PNPLA2: variants seen among roughly 807,000 people sequenced by gnomAD.
PNPLA2 encodes patatin-like phospholipase domain-containing protein 2.
In PNPLA2, 28 loss-of-function variants were observed where a neutral mutation model predicts 39.7. The ratio of observed to expected loss-of-function variants is 0.70; its 90% confidence interval spans 0.52 to 0.97. The LOEUF (loss-of-function observed/expected upper bound fraction) is 0.97, where lower values mean the gene tolerates loss of function less well. Ranked by LOEUF, PNPLA2 falls within the 50% of genes least tolerant of loss-of-function variation. The pLI is 0.00. For missense variants in PNPLA2, 768 were observed against 698.2 expected (o/e 1.10, Z -1.13); for synonymous variants, 392 against 321.1 (o/e 1.22, Z -2.36).
chr11:820,227 A>G (rs1214519579), intron 2 of PNPLA2, among the ~76,000 whole-genome samples: 1 of 152,230 alleles, frequency 6.6e-6, no homozygotes. Context: ...GGAGGGACCT[A>G]AGTCACCCCG....
Position 819,744 on chromosome 11 carries a change from AC to A in PNPLA2, c.27del (p.Asn9LysfsTer83), listed in dbSNP as rs1400139202. The A allele has an allele frequency of 6.6e-7, 1 of 1,506,798 alleles. No individual in the cohort carries two copies. Among genetic ancestry groups the A allele is most frequent in the Non-Finnish European group, 8.9e-7 (1 of 1,128,094 alleles). 93.3% of individuals were successfully genotyped at this position (1,506,798 alleles called of 1,614,324 possible). On this transcript the variant is annotated frameshift_variant, in exon 2 of 10. Transcript: ENST00000336615. LOFTEE classifies it high-confidence loss of function. ...ATGTTTCCCCGCGAGAAGACGTGGA[AC>A]ATCTCGTTCGCGGGCTGCGGCTTCC... is the stretch of plus-strand genomic sequence containing the variant. MFPREKTW[N>X]ISFAGCGFLG...
At chr11:819,958 G>A (rs2133845546) in intron 2 of PNPLA2, 53 bp downstream of exon 2, 3 of 1,257,106 alleles carry the variant, frequency 2.4e-6, no homozygotes, top group South Asian at 2.1e-5. Context: ...GCCGTGCGGG[G>A]CCGGGGGATG....
chr11:820,141 G>C (rs1845621341), intron 2 of PNPLA2, among the ~76,000 whole-genome samples: 2 of 152,362 alleles, frequency 1.3e-5, no homozygotes, highest in African/African-American at 4.8e-5. Flanking sequence ...GCAAAGGTTT[G>C]GGGGCGGGCA....
At position 824,964 on chromosome 11, in the gene PNPLA2, C is replaced by A; in HGVS notation, c.*102C>A. ...TGCCAAGAGGGGTCTTTGCCGTGGG[C>A]CCCCTCGCCAGCCACTCACCAGCTG... On this transcript the variant is annotated 3_prime_UTR_variant, in exon 10 of 10. Transcript: ENST00000336615. 2 of 980,880 alleles carry A rather than the reference C, an allele frequency of 2.0e-6. No individual in the cohort carries two copies. The highest frequency in any genetic ancestry group is 2.7e-5 in the East Asian group (1 of 37,450). The allele number at this position is 980,880 out of a possible 1,614,324, so 60.8% of individuals were successfully genotyped here. A position where few individuals can be genotyped will look rare whatever the true frequency, so the allele number is the denominator to read the frequency against.
rs528189854 is a variant in PNPLA2 at position 819,602 on chromosome 11, G to A, written c.-117G>A. On this transcript the variant is annotated 5_prime_UTR_variant, in exon 2 of 10. Transcript: ENST00000336615. ...CTTCGCCTCCGCCAGCGGGGACCCCGAGCTAGAGCCGCAGCGGGACCTGCC... is the reference window on the plus strand; with the variant it reads ...CTTCGCCTCCGCCAGCGGGGACCCCAAGCTAGAGCCGCAGCGGGACCTGCC... 2.0e-5 allele frequency: 26 copies of A among 1,285,914 alleles called. No individual in the cohort carries two copies. The East Asian group carries it at 4.2e-4, about 21-fold the overall frequency. 79.7% of individuals were successfully genotyped at this position (1,285,914 alleles called of 1,614,324 possible).
chr11:819,863 G>C lies in PNPLA2; in HGVS notation c.145G>C (p.Gly49Arg). Residue 49 changes from glycine (G) to arginine (R), a missense_variant, in exon 2 of 10, where the codon GGG becomes CGG. Gly to Arg is a moderately radical substitution (Grantham distance 125). Transcript: ENST00000336615. ...NATHIYGASAGALTATALVTG... is the reference protein window; with the variant it reads ...NATHIYGASARALTATALVTG... ...CACGCACATCTACGGCGCCTCGGCC[G>C]GGGCGCTCACGGCCACGGCGCTGGT... The C allele has an allele frequency of 6.8e-7, 1 of 1,461,296 alleles. No individual in the cohort carries two copies. Among genetic ancestry groups the C allele is most frequent in the Admixed American group, 2.5e-5 (1 of 40,796 alleles). 90.5% of individuals were successfully genotyped at this position (1,461,296 alleles called of 1,614,324 possible).
chr11:819,989 C>A (rs1845614430), intron 2 of PNPLA2, 84 bp downstream of exon 2: 7 of 1,111,932 alleles, frequency 6.3e-6, no homozygotes, highest in Non-Finnish European at 7.0e-6. Flanking sequence ...GCGGAGGGGC[C>A]CCGCGGCGAG....
chr11:821,548 C>A (rs1030307627), intron 2 of PNPLA2, 80 bp from the exon 3 acceptor site: 2 of 1,019,126 alleles, frequency 2.0e-6, no homozygotes, highest in Non-Finnish European at 3.0e-6. Context: ...GCCATGGAAC[C>A]CTGGACATGG....
intron 1 of PNPLA2, 162 bp from the exon 2 acceptor site, chr11:819,412 C>T (rs1845592277): frequency 2.1e-6 from 2 of 973,594 alleles, no homozygotes; most frequent in Admixed American, 6.2e-5. Context: ...CTCCGGGCGG[C>T]AGCGGAGGGC....
rs1845706236 is a variant in PNPLA2, at chr11:822,591, C to G, written c.681C>G (p.Phe227Leu). Residue 227 changes from phenylalanine (F) to leucine (L), a missense_variant, in exon 5 of 10, where the codon TTC becomes TTG. Coordinates refer to ENST00000336615, the MANE Select transcript of PNPLA2 (RefSeq NM_020376.4). ...RNLYRLSKALFPPEPLVLREM... is the reference protein window; with the variant it reads ...RNLYRLSKALLPPEPLVLREM... ...TCTACCGCCTCTCCAAGGCCCTCTT[C>G]CCGCCGGAGCCCCTGGTGAGCTCTG... is the stretch of plus-strand genomic sequence containing the variant. 6.2e-7 allele frequency: 1 copy of G among 1,613,386 alleles called. No homozygotes were observed. Among genetic ancestry groups the G allele is most frequent in the Non-Finnish European group, 8.5e-7 (1 of 1,179,830 alleles).
Position 821,609 on chromosome 11 carries a change from C to T in PNPLA2, c.188-19C>T. ...TAAGCCCAGGAGCATGGGCCCCTAA[C>T]CTTGGCCCTGTGCCCCAGGTGAGGC... On this transcript the variant is annotated intron_variant, in intron 2 of 9. Transcript: ENST00000336615. 2 of 1,584,558 alleles carry T rather than the reference C, an allele frequency of 1.3e-6. No homozygotes were observed. The highest frequency in any genetic ancestry group is 1.3e-5 in the African/African-American group (1 of 74,504).
intron 4 of PNPLA2, 140 bp downstream of exon 4, chr11:822,163 C>A: frequency 2.4e-6 from 2 of 835,236 alleles, no homozygotes; most frequent in South Asian, 1.4e-5. Context: ...ACTCAAGAAA[C>A]AGCTGTGGCA....
At position 824,711 on chromosome 11, in the gene PNPLA2, C is replaced by T. The variant is rs187668158; in HGVS notation, c.1364C>T (p.Pro455Leu). 3 of 1,590,286 alleles carry T rather than the reference C, an allele frequency of 1.9e-6. No homozygotes were observed. Among genetic ancestry groups the T allele is most frequent in the South Asian group, 2.2e-5 (2 of 89,764 alleles). The change falls in exon 10 of 10, where the codon CCG becomes CTG. Residue 455 changes from proline (P) to leucine (L), a missense_variant. By Grantham distance (98) the Pro-to-Leu change is moderately conservative. Coordinates refer to ENST00000336615, the MANE Select transcript of PNPLA2 (RefSeq NM_020376.4). ...CTCTTCTGCACCAACGTGGCCTTCC[C>T]GCCCGAAGCTCTGCGCATGCGCGCA... ...LGLFCTNVAF[P>L]PEALRMRAPA... is the part of the protein sequence containing the mutation.
chr11:824,935 C>G lies in PNPLA2; in HGVS notation c.*73C>G, dbSNP rs1178728330. 6 of 1,275,282 alleles carry G rather than the reference C, an allele frequency of 4.7e-6. No homozygotes were observed. In the South Asian group the frequency reaches 7.6e-5, roughly 16 times the overall value. 79.0% of individuals were successfully genotyped at this position (1,275,282 alleles called of 1,614,324 possible). The stretch of plus-strand genomic sequence containing the variant: ...CTGCGCAGTGAGATGAGGGGACTCA[C>G]AGTTGCCAAGAGGGGTCTTTGCCGT... On this transcript the variant is annotated 3_prime_UTR_variant, in exon 10 of 10. Transcript: ENST00000336615.
At chr11:820,633 G>A (rs914586847) in intron 2 of PNPLA2, among the ~76,000 whole-genome samples, 31 of 152,338 alleles carry the variant, frequency 2.0e-4, no homozygotes, top group African/African-American at 7.0e-4. Flanking sequence ...TCAGGAGCCT[G>A]TGAGGACACC....
chr11:824,833 C>T lies in PNPLA2; in HGVS notation c.1486C>T (p.Arg496Trp), dbSNP rs767707536. 53 of 1,534,516 alleles carry T rather than the reference C, an allele frequency of 3.5e-5. No individual in the cohort carries two copies. In the Admixed American group the frequency reaches 9.8e-4, roughly 28 times the overall value. The change falls in exon 10 of 10, where the codon CGG becomes TGG. Residue 496 changes from arginine to tryptophan, a missense_variant. Coordinates refer to ENST00000336615, the MANE Select transcript of PNPLA2 (RefSeq NM_020376.4). The stretch of plus-strand genomic sequence containing the variant: ...GCTGAGCACCCCTGCTCCCGAGGCC[C>T]GGCCCGTGATCGGGGCCCTGGGGCT... ...PLLSTPAPEA[R>W]PVIGALGL
Position 825,226 on chromosome 11 carries a change from C to T in PNPLA2, c.*364C>T. On this transcript the variant is annotated 3_prime_UTR_variant, in exon 10 of 10. Coordinates refer to ENST00000336615, the MANE Select transcript of PNPLA2 (RefSeq NM_020376.4). ...ATAAATGCTGCAGCCCAGCCTCTGC[C>T]CACTTTGTGTGTATGTGACCGCCTG... 2.7e-6 allele frequency: 1 copy of T among 364,940 alleles called. No individual in the cohort carries two copies. The highest frequency in any genetic ancestry group is 2.3e-5 in the South Asian group (1 of 42,876). The allele number at this position is 364,940 out of a possible 1,614,324, so 22.6% of individuals were successfully genotyped here. A position where few individuals can be genotyped will look rare whatever the true frequency, so the allele number is the denominator to read the frequency against.
rs528125981 is a variant in PNPLA2, at chr11:825,563, T to A, written c.*701T>A. On this transcript the variant is annotated 3_prime_UTR_variant, in exon 10 of 10. Transcript: ENST00000336615. ...GATTCTTGGTAAATAAAAACGAAAATGTTTGCAAAAGGTGTCGCCTGCCCC... is the reference window on the plus strand; with the variant it reads ...GATTCTTGGTAAATAAAAACGAAAAAGTTTGCAAAAGGTGTCGCCTGCCCC... The A allele has an allele frequency of 6.6e-6, 1 of 151,702 alleles. No homozygotes were observed. The allele number at this position is 151,702 out of a possible 1,614,324, so 9.4% of individuals were successfully genotyped here. A position where few individuals can be genotyped will look rare whatever the true frequency, so the allele number is the denominator to read the frequency against.
intron 1 of PNPLA2, 105 bp from the exon 2 acceptor site, chr11:819,469 A>T: frequency 8.3e-7 from 1 of 1,199,030 alleles, no homozygotes; most frequent in Non-Finnish European, 1.0e-6. Flanking sequence ...GCGGGTCCCG[A>T]GGGCACGGCC....
Sources: gnomAD v4.1 joint callset for allele counts (sites outside exome capture counted in the v4.1 genomes callset) on GRCh38, gnomAD v4.1.1 for gene constraint, MANE v1.5 for transcripts, NCBI Gene and HGNC (gene_info 2026-07-23, HGNC 2026-07-21) for gene names.